Variants in PPP2R2B observed in about 807,000 individuals in gnomAD.
PPP2R2B encodes the protein protein phosphatase 2 regulatory subunit Bbeta, also known as serine/threonine-protein phosphatase 2A 55 kDa regulatory subunit B beta isoform.
In PPP2R2B, 5 loss-of-function variants were observed where a neutral mutation model predicts 46.0. The observed-to-expected ratio is 0.11, with a 90% CI of 0.06 to 0.23. PPP2R2B has a LOEUF of 0.23. Ranked by LOEUF, PPP2R2B falls within the 10% of genes least tolerant of loss-of-function variation. The probability of loss-of-function intolerance (pLI) is 1.00; values close to 1 mark genes in which losing one functional copy is unlikely to be tolerated. For synonymous variants in PPP2R2B, 215 were observed against 206.7 expected (o/e 1.04, Z -0.34); for missense variants, 367 against 575.0 (o/e 0.64, Z 3.70).
chr5:146,878,692 C>A lies in PPP2R2B; in HGVS notation c.-226G>T. On this transcript the variant is annotated 5_prime_UTR_variant, in exon 1 of 10. Coordinates refer to ENST00000394411, the MANE Select transcript of PPP2R2B (RefSeq NM_181675.4). This position sits in a 1 kb window ranked among gnomAD's most constrained non-coding sequence, Gnocchi z 4.5. Reference sequence around the variant, plus strand: ...GGCAGGGCGCTGCAGCCGGCGCCAGCGCACTCACCCTCACACCCACACGCG... The same window carrying A: ...GGCAGGGCGCTGCAGCCGGCGCCAGAGCACTCACCCTCACACCCACACGCG... 2.3e-6 allele frequency: 3 copies of A among 1,293,226 alleles called. No individual in the cohort carries two copies. Among genetic ancestry groups the A allele is most frequent in the South Asian group, 2.7e-5 (2 of 74,440 alleles). 80.1% of individuals were successfully genotyped at this position (1,293,226 alleles called of 1,614,324 possible).
chr5:147,066,513 A>G (rs1338728088), intron 2 of PPP2R2B, among the ~76,000 whole-genome samples: 1 of 152,140 alleles, frequency 6.6e-6, no homozygotes, highest in Non-Finnish European at 1.5e-5. Flanking sequence ...TGTGCTCTTC[A>G]CTATGGTGTC....
At chr5:147,078,583 C>T (rs796437818) in intron 2 of PPP2R2B, among the ~76,000 whole-genome samples, 82 of 152,034 alleles carry the variant, frequency 5.4e-4, no homozygotes, top group African/African-American at 1.8e-3. Context: ...GTCAGGAGTT[C>T]GAGACCATCC....
intron 5 of PPP2R2B, among the ~76,000 whole-genome samples, chr5:146,664,129 C>G (rs955496946): frequency 6.6e-6 from 1 of 152,092 alleles, no homozygotes; most frequent in Non-Finnish European, 1.5e-5. Flanking sequence ...CATGAGCCAC[C>G]GCGCCTGGCT....
rs1581793109 is a variant in PPP2R2B at position 146,650,864 on chromosome 5, A to G, written c.448-140T>C. Reference sequence around the variant, plus strand: ...TCCAAGTTAGAGAAAGAAGAGGCTAATAACGAATCACACACTGTTCTTGTT... The same window carrying G: ...TCCAAGTTAGAGAAAGAAGAGGCTAGTAACGAATCACACACTGTTCTTGTT... On this transcript the variant is annotated intron_variant, in intron 5 of 9. Transcript: ENST00000394411. 5 of 731,396 alleles carry G rather than the reference A, an allele frequency of 6.8e-6. No individual in the cohort carries two copies. In the East Asian group the frequency reaches 1.1e-4, roughly 16 times the overall value. The allele number at this position is 731,396 out of a possible 1,614,324, so 45.3% of individuals were successfully genotyped here. A position where few individuals can be genotyped will look rare whatever the true frequency, so the allele number is the denominator to read the frequency against.
intron 5 of PPP2R2B, among the ~76,000 whole-genome samples, chr5:146,662,882 T>C (rs1441658214): frequency 2.0e-5 from 3 of 151,630 alleles, no homozygotes; most frequent in Non-Finnish European, 4.4e-5. Flanking sequence ...AAAATAGGAA[T>C]GAAAAATTCA....
Position 146,703,647 on chromosome 5 carries a change from T to C in PPP2R2B, c.71-2505A>G, listed in dbSNP as rs1326584599. 3.3e-5 allele frequency among the ~76,000 whole-genome samples: 5 copies of C among 152,198 alleles called. No individual in the cohort carries two copies. The East Asian group carries it at 5.8e-4, about 18-fold the overall frequency. ...ACTTGCTTTCCCAGGGGATGACACA[T>C]ACATTTTCCTTCTTCCTAGACTCTG... On this transcript the variant is annotated intron_variant, in intron 2 of 9. Coordinates refer to ENST00000394411, the MANE Select transcript of PPP2R2B (RefSeq NM_181675.4).
At chr5:146,998,319 T>A (rs2151867168) in intron 1 of PPP2R2B, among the ~76,000 whole-genome samples, 1 of 152,318 alleles carries the variant, frequency 6.6e-6, no homozygotes, top group African/African-American at 2.4e-5. Flanking sequence ...GCTTCAATCG[T>A]CTTTGCAGCT....
rs996033528 is a variant in PPP2R2B at position 146,948,873 on chromosome 5, T to C, written c.79+106792A>G. The stretch of plus-strand genomic sequence containing the variant: ...ACAACAGAAGTATGCACACATACCA[T>C]GAGGGCATAGAGTAATGTTTCCTGA... On this transcript the variant is annotated intron_variant, in intron 1 of 8. Transcript: ENST00000336640. Among the ~76,000 whole-genome samples, 12 of 152,092 alleles carry C rather than the reference T, an allele frequency of 7.9e-5. 1 individual carries two copies. Among genetic ancestry groups the C allele is most frequent in the Admixed American group, 6.6e-4 (10 of 15,242 alleles).
chr5:146,735,885 T>C (rs1053282238), intron 2 of PPP2R2B, among the ~76,000 whole-genome samples: 2 of 152,182 alleles, frequency 1.3e-5, no homozygotes, highest in Admixed American at 1.3e-4. Context: ...TCAACAAGTA[T>C]TTATTGAATA....
rs115559622 is a variant in PPP2R2B at position 146,993,695 on chromosome 5, C to T, written c.79+61970G>A. 7.3e-3 allele frequency among the ~76,000 whole-genome samples: 1,113 copies of T among 152,232 alleles called. 11 individuals are homozygous for T. Among genetic ancestry groups the T allele is most frequent in the African/African-American group, 0.026 (1,065 of 41,544 alleles). ...GTAAAAATGATGGCTATAGTAACTA[C>T]CTTAAAGGACTGCCTCCTAGCTCAC... On this transcript the variant is annotated intron_variant, in intron 1 of 8. Transcript: ENST00000336640.
At chr5:147,011,937 C>T (rs13359973) in intron 1 of PPP2R2B, among the ~76,000 whole-genome samples, 34,449 of 115,404 alleles carry the variant, frequency 0.3, 5,774 homozygotes, top group African/African-American at 0.39. Flanking sequence ...CCCACTTGAT[C>T]GTGGTGGATA....
intron 4 of PPP2R2B, among the ~76,000 whole-genome samples, chr5:146,693,423 C>T (rs893426390): frequency 6.6e-6 from 1 of 151,940 alleles, no homozygotes; most frequent in Non-Finnish European, 1.5e-5. Flanking sequence ...TCATGTTGCC[C>T]AGGCTGATCT....
rs116121065 is a variant in PPP2R2B, at chr5:146,596,895, C to T, written c.960+3396G>A. On this transcript the variant is annotated intron_variant, in intron 8 of 9. Coordinates refer to ENST00000394411, the MANE Select transcript of PPP2R2B (RefSeq NM_181675.4). Reference sequence around the variant, plus strand: ...ACCTTTCTCCAGCCCTGCTGGAACACAGAGTCATCAAAGTCTTCAACCTCC... The same window carrying T: ...ACCTTTCTCCAGCCCTGCTGGAACATAGAGTCATCAAAGTCTTCAACCTCC... Among the ~76,000 whole-genome samples, 459 of 152,316 alleles carry T rather than the reference C, an allele frequency of 3.0e-3. 2 individuals are homozygous for T. Among genetic ancestry groups the T allele is most frequent in the African/African-American group, 0.01 (432 of 41,568 alleles).
At chr5:146,731,615 G>T (rs759246263) in intron 2 of PPP2R2B, among the ~76,000 whole-genome samples, 1 of 152,180 alleles carries the variant, frequency 6.6e-6, no homozygotes, top group Non-Finnish European at 1.5e-5. Flanking sequence ...TCTATTAGCT[G>T]CAAAACCTTG....
At chr5:146,822,536 T>G (rs1218174827) in intron 2 of PPP2R2B, among the ~76,000 whole-genome samples, 4 of 118,686 alleles carry the variant, frequency 3.4e-5, no homozygotes, top group East Asian at 2.1e-4. Flanking sequence ...TCATTTTTGG[T>G]TTTTTTTTTT....
chr5:146,652,522 C>T (rs1776042929), intron 5 of PPP2R2B, among the ~76,000 whole-genome samples: 1 of 152,070 alleles, frequency 6.6e-6, no homozygotes, highest in Admixed American at 6.6e-5. Flanking sequence ...TTAACCTGCT[C>T]AGGGAGAACT....
chr5:147,077,275 T>TACACACAC (rs370176510), intron 2 of PPP2R2B, among the ~76,000 whole-genome samples: 3 of 140,480 alleles, frequency 2.1e-5, no homozygotes, highest in Admixed American at 1.5e-4. Flanking sequence ...TATGTGTGTA[T>TACACACAC]ACACACACAC....
At chr5:146,826,254 G>C (rs948010179) in intron 2 of PPP2R2B, among the ~76,000 whole-genome samples, 1 of 152,104 alleles carries the variant, frequency 6.6e-6, no homozygotes, top group Non-Finnish European at 1.5e-5. Context: ...GACAAAACTT[G>C]ACATCGGATT....
At chr5:146,744,406 A>C (rs1222752754) in intron 2 of PPP2R2B, among the ~76,000 whole-genome samples, 3 of 152,228 alleles carry the variant, frequency 2.0e-5, no homozygotes, top group Non-Finnish European at 2.9e-5. Context: ...CTTGGCCCTT[A>C]GGCTTCAGTG....
Sources: allele counts gnomAD v4.1 joint callset (sites outside exome capture counted in the v4.1 genomes callset), GRCh38; gene constraint gnomAD v4.1.1; non-coding constraint Gnocchi (gnomAD v3.1); transcripts MANE v1.5; gene names NCBI Gene and HGNC (gene_info 2026-07-23, HGNC 2026-07-21).